The following FIGN variants were observed in gnomAD, a reference collection of about 807,000 sequenced individuals.
FIGN encodes the protein fidgetin, microtubule severing factor, also known as fidgetin.
Under a neutral mutation model 51.3 loss-of-function variants are expected in FIGN, and 11 were observed. The observed-to-expected ratio is 0.21, with a 90% confidence interval of 0.13 to 0.35. The LOEUF (loss-of-function observed/expected upper bound fraction) is 0.35. FIGN is among the 10% of genes least tolerant of loss of function. FIGN has a pLI of 1.00. For missense variants in FIGN, 857 were observed against 943.6 expected, an observed-to-expected ratio of 0.91 and a Z score of 1.20; for synonymous variants, 407 against 363.2, an observed-to-expected ratio of 1.12 and a Z score of -1.37.
intron 2 of FIGN, among the ~76,000 whole-genome samples, chr2:163,643,735 C>G (rs1683339591): frequency 6.6e-6 from 1 of 150,500 alleles, no homozygotes. Flanking sequence ...GGGTGGATCA[C>G]CTGAAGTCAG....
At chr2:163,650,670 G>T (rs951441135) in intron 2 of FIGN, among the ~76,000 whole-genome samples, 4 of 151,642 alleles carry the variant, frequency 2.6e-5, no homozygotes, top group African/African-American at 4.9e-5. Context: ...TGATTTTTAT[G>T]TATTTTTTGT....
intron 2 of FIGN, among the ~76,000 whole-genome samples, chr2:163,731,700 A>C (rs952710172): frequency 6.6e-6 from 1 of 150,414 alleles, no homozygotes; most frequent in Non-Finnish European, 1.5e-5. Flanking sequence ...AGAAAGAAAA[A>C]TACTCTATTT....
chr2:163,697,053 G>A (rs1156834707), intron 2 of FIGN, among the ~76,000 whole-genome samples: 1 of 149,402 alleles, frequency 6.7e-6, no homozygotes, highest in Non-Finnish European at 1.5e-5. Context: ...TGCTTTCCCT[G>A]ACACAGCACT....
At chr2:163,695,505 C>T (rs1307985404) in intron 2 of FIGN, among the ~76,000 whole-genome samples, 1 of 152,120 alleles carries the variant, frequency 6.6e-6, no homozygotes, top group Non-Finnish European at 1.5e-5. Flanking sequence ...GTCATTTCTT[C>T]AGTCAACATG....
rs1344303905 is a variant in FIGN, at chr2:163,610,206, C to G, written c.1626G>C (p.Gln542His). The G allele has an allele frequency of 6.2e-7, 1 of 1,614,160 alleles. No homozygotes were observed. The highest frequency in any genetic ancestry group is 8.5e-7 in the Non-Finnish European group (1 of 1,180,028). ...KTLLGRCIASQLGATFFKIAG... is the reference protein window; with the variant it reads ...KTLLGRCIASHLGATFFKIAG... Reference sequence around the variant, plus strand: ...CAATTTTGAAAAATGTGGCCCCCAGCTGACTAGCGATGCATCTGCCCAATA... The same window carrying G: ...CAATTTTGAAAAATGTGGCCCCCAGGTGACTAGCGATGCATCTGCCCAATA... The change falls in exon 3 of 3, where the codon CAG becomes CAC. Residue 542 changes from glutamine to histidine, a missense_variant. Transcript: ENST00000333129.
At chr2:163,723,261 T>C (rs759415665) in intron 2 of FIGN, among the ~76,000 whole-genome samples, 4 of 152,152 alleles carry the variant, frequency 2.6e-5, no homozygotes, top group Non-Finnish European at 5.9e-5. Flanking sequence ...CCTATGCTTT[T>C]ATCAATTCAA....
At chr2:163,613,820 AT>A (rs1682821426) in intron 2 of FIGN, among the ~76,000 whole-genome samples, 1 of 152,208 alleles carries the variant, frequency 6.6e-6, no homozygotes, top group African/African-American at 2.4e-5. Flanking sequence ...ACTCATTTGC[AT>A]TTTGATTTTT....
intron 2 of FIGN, among the ~76,000 whole-genome samples, chr2:163,711,918 T>A (rs1419999281): frequency 6.6e-6 from 1 of 152,110 alleles, no homozygotes; most frequent in Non-Finnish European, 1.5e-5. Context: ...TCTTTCTGGA[T>A]ATCTCCCCCT....
In FIGN at chr2:163,604,936, C is replaced by CTTTTTTTTTTTTTTTTTTTTTTTTTTTT. The variant is rs71410075; in HGVS notation, c.*4615_*4616insAAAAAAAAAAAAAAAAAAAAAAAAAAAA. On this transcript the variant is annotated 3_prime_UTR_variant, in exon 3 of 3. Coordinates refer to ENST00000333129, the MANE Select transcript of FIGN (RefSeq NM_018086.4). ...TTTTAAGCCCAGAAATAAACTTTTG[C>CTTTTTTTTTTTTTTTTTTTTTTTTTTTT]TTTTTTTTTTTTTTTTTTTGTATCA... 1.1e-5 allele frequency: 1 copy of CTTTTTTTTTTTTTTTTTTTTTTTTTTTT among 94,258 alleles called. No individual in the cohort carries two copies. The highest frequency in any genetic ancestry group is 1.9e-5 in the Non-Finnish European group (1 of 53,126). The allele number at this position is 94,258 out of a possible 1,614,324, so 5.8% of individuals were successfully genotyped here. A position where few individuals can be genotyped will look rare whatever the true frequency, so the allele number is the denominator to read the frequency against.
intron 2 of FIGN, among the ~76,000 whole-genome samples, chr2:163,648,379 A>G (rs964405192): frequency 6.6e-6 from 1 of 152,236 alleles, no homozygotes; most frequent in Non-Finnish European, 1.5e-5. Context: ...TTGTCTAAAT[A>G]GTTGAAAGAG....
In FIGN at chr2:163,734,985, G is replaced by C; in HGVS notation, c.-58C>G. ...TTTCTCACAAGCAGGAATTCCAAAG[G>C]TTGCTTTTCATTAAAGCCACTTTTC... is the stretch of plus-strand genomic sequence containing the variant. On this transcript the variant is annotated 5_prime_UTR_variant, in exon 2 of 3. Transcript: ENST00000333129. 8 of 1,596,524 alleles carry C rather than the reference G, an allele frequency of 5.0e-6. No individual in the cohort carries two copies. Among genetic ancestry groups the C allele is most frequent in the Non-Finnish European group, 6.8e-6 (8 of 1,170,298 alleles).
At position 163,700,072 on chromosome 2, in the gene FIGN, A is replaced by G. The variant is rs556455771; in HGVS notation, c.25+34831T>C. Among the ~76,000 whole-genome samples, 17 of 152,256 alleles carry G rather than the reference A, an allele frequency of 1.1e-4. No individual in the cohort carries two copies. In the East Asian group the frequency reaches 3.3e-3, roughly 29 times the overall value. ...GAGGAGGAGAAGGAAGGAGAAGAAG[A>G]AGAACCCCTCCTGAAACAGATTCTA... On this transcript the variant is annotated intron_variant, in intron 2 of 2. Transcript: ENST00000333129.
intron 2 of FIGN, among the ~76,000 whole-genome samples, chr2:163,626,440 G>T (rs1350852942): frequency 5.3e-5 from 8 of 152,012 alleles, no homozygotes; most frequent in Admixed American, 3.3e-4. Flanking sequence ...TATGAATCAT[G>T]TCAGGTATGA....
chr2:163,703,507 G>A (rs1684442101), intron 2 of FIGN, among the ~76,000 whole-genome samples: 1 of 152,070 alleles, frequency 6.6e-6, no homozygotes, highest in South Asian at 2.1e-4. Flanking sequence ...GAGTCAACAG[G>A]CATGTGACAG....
intron 2 of FIGN, among the ~76,000 whole-genome samples, chr2:163,618,570 T>C (rs1020742894): frequency 2.6e-5 from 4 of 152,084 alleles, no homozygotes; most frequent in Admixed American, 6.6e-5. Context: ...AGCACAGGGC[T>C]TTAAAAATCA....
At chr2:163,629,844 GA>G (rs1268333968) in intron 2 of FIGN, among the ~76,000 whole-genome samples, 2 of 150,304 alleles carry the variant, frequency 1.3e-5, no homozygotes, top group African/African-American at 4.9e-5. Flanking sequence ...AATACTGTAT[GA>G]ATGAGGCATG....
At chr2:163,711,053 C>G (rs1684580852) in intron 2 of FIGN, among the ~76,000 whole-genome samples, 1 of 152,024 alleles carries the variant, frequency 6.6e-6, no homozygotes, top group Admixed American at 6.6e-5. Context: ...AGAAAAAAAG[C>G]ATTCATTTTT....
intron 2 of FIGN, among the ~76,000 whole-genome samples, chr2:163,645,382 C>T (rs1356110429): frequency 6.6e-6 from 1 of 152,156 alleles, no homozygotes; most frequent in African/African-American, 2.4e-5. Context: ...GGAAAAACCT[C>T]TATTTGAACC....
In FIGN at chr2:163,611,207, G is replaced by T; in HGVS notation, c.625C>A (p.Pro209Thr). ...SSQPAPALPS[P>T]HPSPLHSSGL... is the part of the protein sequence containing the mutation. ...GAGCTATGCAAAGGAGACGGATGAGGTGAAGGAAGTGCAGGTGCTGGCTGG... is the reference window on the plus strand; with the variant it reads ...GAGCTATGCAAAGGAGACGGATGAGTTGAAGGAAGTGCAGGTGCTGGCTGG... The change falls in exon 3 of 3, where the codon CCT becomes ACT. Residue 209 changes from proline to threonine, a missense_variant. Around this residue, in one of 3 missense-constraint regions of FIGN, gnomAD observed 799 missense variants for 849.5 expected, o/e 0.94. Transcript: ENST00000333129. 6.2e-7 allele frequency: 1 copy of T among 1,614,168 alleles called. No homozygotes were observed. Among genetic ancestry groups the T allele is most frequent in the Non-Finnish European group, 8.5e-7 (1 of 1,180,024 alleles).
Sources: allele counts gnomAD v4.1 joint callset (sites outside exome capture counted in the v4.1 genomes callset), GRCh38; gene constraint gnomAD v4.1.1; regional missense constraint gnomAD v4.1.1; transcripts MANE v1.5; gene names NCBI Gene and HGNC (gene_info 2026-07-23, HGNC 2026-07-21).